UNC13C: variants seen among roughly 807,000 people sequenced by gnomAD.
UNC13C encodes the protein protein unc-13 homolog C.
A neutral mutation model predicts 245.4 loss-of-function variants in UNC13C; 174 were observed. That is an observed-to-expected ratio of 0.71 (90% CI 0.63 to 0.80). The LOEUF (loss-of-function observed/expected upper bound fraction) is 0.80. UNC13C is among the 30% of genes least tolerant of loss of function. The pLI is 0.00. For missense variants in UNC13C, 2,829 were observed against 2,602.9 expected, an observed-to-expected ratio of 1.09 and a Z score of -1.89; for synonymous variants, 992 against 895.1, an observed-to-expected ratio of 1.11 and a Z score of -1.93.
intron 18 of UNC13C, among the ~76,000 whole-genome samples, chr15:54,393,917 A>G (rs1015064392): frequency 2.6e-5 from 4 of 151,942 alleles, no homozygotes; most frequent in Non-Finnish European, 4.4e-5. Context: ...AAGACCATAA[A>G]AGCAAAAATA....
intron 2 of UNC13C, among the ~76,000 whole-genome samples, chr15:54,094,592 T>C (rs1899750271): frequency 6.6e-6 from 1 of 152,212 alleles, no homozygotes; most frequent in African/African-American, 2.4e-5. Context: ...TAGAATTTGT[T>C]CTTCCCACCA....
chr15:54,398,960 C>A (rs2040125543), intron 18 of UNC13C, among the ~76,000 whole-genome samples: 1 of 151,208 alleles, frequency 6.6e-6, no homozygotes, highest in Non-Finnish European at 1.5e-5. Flanking sequence ...TTTCTCATTC[C>A]TTTACTATTG....
At chr15:54,134,672 A>G (rs1595895049) in intron 2 of UNC13C, among the ~76,000 whole-genome samples, 1 of 150,914 alleles carries the variant, frequency 6.6e-6, no homozygotes, top group South Asian at 2.1e-4. Flanking sequence ...GGCGCCAGCC[A>G]CCACGCCTGG....
At chr15:54,147,790 G>A (rs12899054) in intron 4 of UNC13C, among the ~76,000 whole-genome samples, 6 of 1,180 alleles carry the variant, frequency 5.1e-3, no homozygotes, top group South Asian at 0.031. Flanking sequence ...AGGTGTGTGC[G>A]TGTGTGTGTG....
At chr15:54,587,099 T>C (rs1485290876) in intron 30 of UNC13C, among the ~76,000 whole-genome samples, 1 of 152,220 alleles carries the variant, frequency 6.6e-6, no homozygotes, top group African/African-American at 2.4e-5. Flanking sequence ...CCACCATAGA[T>C]TTTATGAAAT....
intron 30 of UNC13C, among the ~76,000 whole-genome samples, chr15:54,601,449 G>T (rs185376982): frequency 4.6e-5 from 7 of 152,298 alleles, no homozygotes; most frequent in Non-Finnish European, 8.8e-5. Flanking sequence ...AGGGGAACAG[G>T]TTAGGGAGCT....
intron 4 of UNC13C, among the ~76,000 whole-genome samples, chr15:54,199,828 T>C (rs1380275436): frequency 1.3e-5 from 2 of 152,126 alleles, no homozygotes; most frequent in African/African-American, 4.8e-5. Context: ...ATGAATAGAA[T>C]AGTATCACAC....
chr15:54,399,691 G>T (rs2040142558), intron 18 of UNC13C, among the ~76,000 whole-genome samples: 1 of 151,762 alleles, frequency 6.6e-6, no homozygotes, highest in Admixed American at 6.6e-5. Flanking sequence ...CCATTTGCAA[G>T]GATAAAATCT....
chr15:53,841,393 A>G, the UNC13C span, among the ~76,000 whole-genome samples: 1 of 152,078 alleles, frequency 6.6e-6, no homozygotes, highest in South Asian at 2.1e-4. Flanking sequence ...AAAAAAATAC[A>G]CATTTTTTTC....
intron 30 of UNC13C, 88 bp downstream of exon 30, chr15:54,568,035 T>C: frequency 9.3e-7 from 1 of 1,078,706 alleles, no homozygotes; most frequent in Non-Finnish European, 1.2e-6. Flanking sequence ...GTCCCAATAA[T>C]TTTTTGCTGT....
In UNC13C at chr15:54,013,726, G is replaced by A. The variant is rs1431921555; in HGVS notation, c.823G>A (p.Asp275Asn). The A allele has an allele frequency of 1.1e-5, 17 of 1,612,780 alleles. No individual in the cohort carries two copies. Among genetic ancestry groups the A allele is most frequent in the Middle Eastern group, 1.6e-4 (1 of 6,070 alleles). ...CGTCAATGCTCTCAAGCACTCCATCGATGAGATCTCCAGCAGTGTGGAGGT... is the reference window on the plus strand; with the variant it reads ...CGTCAATGCTCTCAAGCACTCCATCAATGAGATCTCCAGCAGTGTGGAGGT... ...GHVNALKHSI[D>N]EISSSVEVVQ... The change falls in exon 2 of 33, where the codon GAT becomes AAT. Residue 275 changes from aspartate to asparagine, a missense_variant. Physicochemically the swap from Asp to Asn is conservative, Grantham distance 23 (BLOSUM62 1). Transcript: ENST00000260323.
At chr15:53,971,345 C>A in the UNC13C span, among the ~76,000 whole-genome samples, 1 of 151,814 alleles carries the variant, frequency 6.6e-6, no homozygotes, top group Non-Finnish European at 1.5e-5. Context: ...ACTATAAAAC[C>A]CCTAGAAGAA....
chr15:54,378,576 T>A (rs1473247969), intron 17 of UNC13C, among the ~76,000 whole-genome samples: 1 of 151,536 alleles, frequency 6.6e-6, no homozygotes, highest in Non-Finnish European at 1.5e-5. Flanking sequence ...ATTAAATATA[T>A]TCTACACATA....
intron 4 of UNC13C, among the ~76,000 whole-genome samples, chr15:54,201,940 A>G (rs1228289175): frequency 1.3e-5 from 2 of 152,044 alleles, no homozygotes; most frequent in African/African-American, 2.4e-5. Flanking sequence ...AAAAGCTTCT[A>G]GAACTGGTAA....
At chr15:54,184,872 A>G (rs1398782871) in intron 4 of UNC13C, among the ~76,000 whole-genome samples, 1 of 152,148 alleles carries the variant, frequency 6.6e-6, no homozygotes, top group Non-Finnish European at 1.5e-5. Context: ...GAACTAGTTT[A>G]CAGTCCCACC....
chr15:53,959,121 G>A, the UNC13C span, among the ~76,000 whole-genome samples: 2 of 152,024 alleles, frequency 1.3e-5, no homozygotes, highest in African/African-American at 4.8e-5. Flanking sequence ...GTAAATGACA[G>A]GATTTCATTC....
chr15:54,474,678 C>A (rs553657015), intron 19 of UNC13C, among the ~76,000 whole-genome samples: 1 of 152,022 alleles, frequency 6.6e-6, no homozygotes, highest in African/African-American at 2.4e-5. Flanking sequence ...TGTGCAGTAG[C>A]TTTTTAGTTT....
intron 2 of UNC13C, among the ~76,000 whole-genome samples, chr15:54,127,525 G>C (rs966132212): frequency 1.3e-5 from 2 of 151,846 alleles, no homozygotes; most frequent in Admixed American, 6.6e-5. Flanking sequence ...TGGACACAGA[G>C]AGGGGAACAT....
intron 30 of UNC13C, among the ~76,000 whole-genome samples, chr15:54,605,541 C>T (rs567988302): frequency 5.4e-4 from 83 of 152,312 alleles, no homozygotes; most frequent in Admixed American, 2.9e-3. Context: ...AAAAATGTAG[C>T]TGCTGGAGCT....
Sources: gnomAD v4.1 joint callset for allele counts (sites outside exome capture counted in the v4.1 genomes callset) on GRCh38, gnomAD v4.1.1 for gene constraint, MANE v1.5 for transcripts, NCBI Gene and HGNC (gene_info 2026-07-23, HGNC 2026-07-21) for gene names.